FRMD3: variants seen among roughly 807,000 people sequenced by gnomAD.
The protein encoded by FRMD3 is FERM domain containing 3.
Under a neutral mutation model 70.2 loss-of-function variants are expected in FRMD3, and 33 were observed. That is an observed-to-expected ratio of 0.47 (90% confidence interval 0.36 to 0.63). The LOEUF (loss-of-function observed/expected upper bound fraction) is 0.63, where lower values mean the gene tolerates loss of function less well. FRMD3 is among the 20% of genes least tolerant of loss of function. The pLI is 0.00. For missense variants in FRMD3, 632 were observed against 711.4 expected (o/e 0.89, Z 1.27); for synonymous variants, 279 against 255.9 (o/e 1.09, Z -0.86).
chr9:83,357,258 T>C (rs1387561144), intron 3 of FRMD3, among the ~76,000 whole-genome samples: 5 of 48,820 alleles, frequency 1.0e-4, no homozygotes, highest in African/African-American at 4.5e-4. Context: ...TATATATATA[T>C]ATATATATAT....
In FRMD3 at chr9:83,255,944, G is replaced by T. The variant is rs192854758; in HGVS notation, c.1196-7428C>A. 1.0e-3 allele frequency among the ~76,000 whole-genome samples: 157 copies of T among 152,184 alleles called. 1 individual carries two copies. Among genetic ancestry groups the T allele is most frequent in the Non-Finnish European group, 1.5e-5 (1 of 68,004 alleles). The stretch of plus-strand genomic sequence containing the variant: ...TCAATATTGTGAAAATGGCCATACT[G>T]CCCAAAGTAATTTAGAGATTTAATG... On this transcript the variant is annotated intron_variant, in intron 13 of 13. Coordinates refer to ENST00000304195, the MANE Select transcript of FRMD3 (RefSeq NM_174938.6).
At chr9:83,574,651 T>C in the FRMD3 span, among the ~76,000 whole-genome samples, 1 of 152,180 alleles carries the variant, frequency 6.6e-6, no homozygotes, top group African/African-American at 2.4e-5. Context: ...TGGGAAACTA[T>C]TAATAGAATG....
At chr9:83,481,869 A>G (rs186927660) in intron 1 of FRMD3, among the ~76,000 whole-genome samples, 115 of 152,216 alleles carry the variant, frequency 7.6e-4, no homozygotes, top group Middle Eastern at 3.4e-3. Context: ...GTGTTTCCCA[A>G]AGGTACTTGA....
chr9:83,309,684 G>GT, intron 9 of FRMD3, 60 bp from the exon 10 acceptor site: 4 of 1,098,346 alleles, frequency 3.6e-6, no homozygotes, highest in South Asian at 1.5e-5. Context: ...ATTTTCCATG[G>GT]GTTTTTTTTT....
At chr9:83,440,652 A>C (rs1160387316) in intron 1 of FRMD3, among the ~76,000 whole-genome samples, 1 of 152,242 alleles carries the variant, frequency 6.6e-6, no homozygotes, top group Non-Finnish European at 1.5e-5. Context: ...TATCAAAGGC[A>C]GTGTAACAGA....
chr9:83,297,470 C>T, intron 12 of FRMD3: 1 of 226,720 alleles, frequency 4.4e-6, no homozygotes, highest in South Asian at 6.4e-5. Context: ...ACTCAAGTTT[C>T]TTTGTCTACA....
intron 1 of FRMD3, among the ~76,000 whole-genome samples, chr9:83,528,296 G>GGC (rs1554716043): frequency 2.7e-5 from 4 of 149,124 alleles, no homozygotes; most frequent in African/African-American, 4.9e-5. Context: ...TATAAACGCA[G>GGC]ACACACACAC....
intron 5 of FRMD3, among the ~76,000 whole-genome samples, chr9:83,340,984 G>A (rs1335313145): frequency 2.6e-5 from 4 of 152,124 alleles, no homozygotes; most frequent in African/African-American, 7.2e-5. Context: ...GATGAGGGGC[G>A]ACAGTGCCTC....
intron 3 of FRMD3, among the ~76,000 whole-genome samples, chr9:83,368,693 A>G (rs1824869986): frequency 1.3e-5 from 2 of 152,212 alleles, no homozygotes. Flanking sequence ...GGAAAGAAGC[A>G]TTCTCACGTA....
At chr9:83,446,272 C>A (rs886091975) in intron 1 of FRMD3, among the ~76,000 whole-genome samples, 1 of 152,168 alleles carries the variant, frequency 6.6e-6, no homozygotes, top group Non-Finnish European at 1.5e-5. Flanking sequence ...TGCCAGAGCC[C>A]AGCGGCCTTC....
intron 1 of FRMD3, among the ~76,000 whole-genome samples, chr9:83,455,831 T>G (rs1177916798): frequency 6.6e-6 from 1 of 152,174 alleles, no homozygotes; most frequent in African/African-American, 2.4e-5. Flanking sequence ...TTGCATAGAT[T>G]ATATATGTGC....
In FRMD3 at chr9:83,538,046, C is replaced by T. The variant is rs998334694; in HGVS notation, c.147+39G>A. The T allele has an allele frequency of 1.2e-6, 2 of 1,600,620 alleles. No individual in the cohort carries two copies. Among genetic ancestry groups the T allele is most frequent in the South Asian group, 2.2e-5 (2 of 90,144 alleles). On this transcript the variant is annotated intron_variant, in intron 1 of 13. Coordinates refer to ENST00000304195, the MANE Select transcript of FRMD3 (RefSeq NM_174938.6). This position sits in a 1 kb window ranked among gnomAD's most constrained non-coding sequence, Gnocchi z 4.7. ...CCGCAAAGGCCCCCCGCCCTGCTCCCGGCGTGTGCCCCGCGCCCTCGCCCG... is the reference window on the plus strand; with the variant it reads ...CCGCAAAGGCCCCCCGCCCTGCTCCTGGCGTGTGCCCCGCGCCCTCGCCCG...
At chr9:83,565,868 T>C in the FRMD3 span, among the ~76,000 whole-genome samples, 1 of 152,210 alleles carries the variant, frequency 6.6e-6, no homozygotes, top group South Asian at 2.1e-4. Flanking sequence ...TCCTTTTGCA[T>C]CAAATAAGCC....
intron 1 of FRMD3, among the ~76,000 whole-genome samples, chr9:83,410,985 T>G (rs1826262659): frequency 6.6e-6 from 1 of 152,202 alleles, no homozygotes; most frequent in Non-Finnish European, 1.5e-5. Flanking sequence ...CATTTTGCTG[T>G]CCCTCAGGGT....
chr9:83,332,958 C>G (rs1226115357), intron 6 of FRMD3, among the ~76,000 whole-genome samples: 1 of 152,166 alleles, frequency 6.6e-6, no homozygotes, highest in Non-Finnish European at 1.5e-5. Context: ...GTAATTCAAC[C>G]AAGGCCCAAT....
intron 10 of FRMD3, among the ~76,000 whole-genome samples, chr9:83,299,534 G>C (rs540929935): frequency 6.7e-4 from 102 of 152,308 alleles, no homozygotes; most frequent in African/African-American, 2.4e-3. Context: ...TGAAGATATG[G>C]AGAAGAGGGA....
intron 1 of FRMD3, among the ~76,000 whole-genome samples, chr9:83,527,076 C>T (rs1226314832): frequency 6.6e-6 from 1 of 152,110 alleles, no homozygotes; most frequent in Non-Finnish European, 1.5e-5. Flanking sequence ...CCTCCAGGGG[C>T]TTCCAGGCAC....
intron 1 of FRMD3, among the ~76,000 whole-genome samples, chr9:83,407,867 C>T (rs1392526015): frequency 2.8e-4 from 34 of 121,674 alleles, no homozygotes; most frequent in Admixed American, 5.5e-4. Flanking sequence ...CTCTCTCTCT[C>T]TCTCTCATCT....
At chr9:83,444,721 C>A (rs190553890) in intron 1 of FRMD3, among the ~76,000 whole-genome samples, 2 of 152,284 alleles carry the variant, frequency 1.3e-5, no homozygotes, top group East Asian at 3.9e-4. Flanking sequence ...TTGCTTCTGC[C>A]TTTGCTGTAA....
Sources: gnomAD v4.1 joint callset for allele counts (sites outside exome capture counted in the v4.1 genomes callset) on GRCh38, gnomAD v4.1.1 for gene constraint, Gnocchi (gnomAD v3.1) non-coding constraint, MANE v1.5 for transcripts, NCBI Gene and HGNC (gene_info 2026-07-23, HGNC 2026-07-21) for gene names.